Variants in PDZD2 observed in about 807,000 individuals in gnomAD.
The protein encoded by PDZD2 is PDZ domain containing 2.
Under a neutral mutation model 220.7 loss-of-function variants are expected in PDZD2, and 90 were observed. That is an observed-to-expected ratio of 0.41 (90% confidence interval 0.34 to 0.49). The LOEUF (loss-of-function observed/expected upper bound fraction) is 0.49. Among genes scored for constraint, PDZD2 ranks in the 20% least tolerant of loss-of-function variants. The probability of loss-of-function intolerance (pLI) is 0.28; values close to 1 mark genes in which losing one functional copy is unlikely to be tolerated. For missense variants in PDZD2, 3,174 were observed against 3,608.5 expected, an observed-to-expected ratio of 0.88 and a Z score of 3.08; for synonymous variants, 1,375 against 1,450.5, an observed-to-expected ratio of 0.95 and a Z score of 1.18.
intron 1 of PDZD2, among the ~76,000 whole-genome samples, chr5:31,778,529 C>T (rs1022465213): frequency 2.6e-5 from 4 of 151,668 alleles, no homozygotes; most frequent in Non-Finnish European, 4.4e-5. Flanking sequence ...CCAGATGTGC[C>T]GCCTTAAGAG....
At chr5:31,954,862 G>A (rs1167810162) in intron 2 of PDZD2, among the ~76,000 whole-genome samples, 1 of 152,092 alleles carries the variant, frequency 6.6e-6, no homozygotes, top group East Asian at 1.9e-4. Flanking sequence ...CTTGAAACCC[G>A]GGAGGCGAAG....
chr5:31,901,210 G>A (rs531819466), intron 2 of PDZD2, among the ~76,000 whole-genome samples: 1 of 152,274 alleles, frequency 6.6e-6, no homozygotes, highest in South Asian at 2.1e-4. Context: ...TTAAGGTCAG[G>A]AGTTTGAGAC....
At chr5:31,977,490 C>T (rs1156830713) in intron 2 of PDZD2, among the ~76,000 whole-genome samples, 4 of 152,180 alleles carry the variant, frequency 2.6e-5, no homozygotes, top group African/African-American at 9.6e-5. Context: ...ATTCCTCCAG[C>T]TGTTCTAAGC....
In PDZD2 at chr5:32,037,195, G is replaced by C. The variant is rs192035110; in HGVS notation, c.1408-36G>C. ...GACAGCATAAGTCATCGCAGGGCTG[G>C]GCTCTCCCATCAGCTCTGTGCTTTC... On this transcript the variant is annotated intron_variant, in intron 6 of 24. Coordinates refer to ENST00000438447, the MANE Select transcript of PDZD2 (RefSeq NM_178140.4). The C allele has an allele frequency of 4.4e-5, 59 of 1,331,486 alleles. No homozygotes were observed. In the East Asian group the frequency reaches 1.3e-3, roughly 28 times the overall value. The allele number at this position is 1,331,486 out of a possible 1,614,324, so 82.5% of individuals were successfully genotyped here. A position where few individuals can be genotyped will look rare whatever the true frequency, so the allele number is the denominator to read the frequency against.
chr5:31,799,552 G>T lies in PDZD2; in HGVS notation c.304G>T (p.Gly102Trp), dbSNP rs1296529554. ...CGGGGACTATGGTGAAAAGCGCAGGGGGGGCAAGAAGAGGAAAACCCACCA... is the reference window on the plus strand; with the variant it reads ...CGGGGACTATGGTGAAAAGCGCAGGTGGGGCAAGAAGAGGAAAACCCACCA... The part of the protein sequence containing the change: ...VFGDYGEKRR[G>W]GKKRKTHQGP... The change falls in exon 2 of 25, where the codon GGG becomes TGG. Residue 102 changes from glycine to tryptophan, a missense_variant. Gly to Trp is a radical substitution (Grantham distance 184). Transcript: ENST00000438447. The T allele has an allele frequency of 6.2e-7, 1 of 1,614,156 alleles. No individual in the cohort carries two copies. The highest frequency in any genetic ancestry group is 1.1e-5 in the South Asian group (1 of 91,086).
Position 31,951,128 on chromosome 5 carries a change from G to A in PDZD2, c.477-32027G>A, listed in dbSNP as rs139342174. Among the ~76,000 whole-genome samples the A allele has an allele frequency of 2.0e-3, 302 of 152,130 alleles. 2 individuals are homozygous for A. The highest frequency in any genetic ancestry group is 6.0e-3 in the African/African-American group (249 of 41,490). ...GTCTCCCAAACTGGAGAGCAGTGGC[G>A]CCATCACAGCTCACTGCAGTCTCAA... On this transcript the variant is annotated intron_variant, in intron 2 of 24. Transcript: ENST00000438447.
At chr5:31,931,332 A>G (rs1745277063) in intron 2 of PDZD2, among the ~76,000 whole-genome samples, 1 of 152,060 alleles carries the variant, frequency 6.6e-6, no homozygotes, top group African/African-American at 2.4e-5. Flanking sequence ...TAATTTTTGT[A>G]TTTTTAGTAG....
intron 2 of PDZD2, among the ~76,000 whole-genome samples, chr5:31,925,626 G>C (rs531225430): frequency 6.6e-6 from 1 of 152,164 alleles, no homozygotes; most frequent in African/African-American, 2.4e-5. Context: ...CCTAAGTAAA[G>C]AGCTTTTGCA....
chr5:31,889,189 G>C (rs758376191), intron 2 of PDZD2, among the ~76,000 whole-genome samples: 9 of 152,176 alleles, frequency 5.9e-5, no homozygotes, highest in Non-Finnish European at 1.0e-4. Flanking sequence ...GAAGTGTCAC[G>C]CTGAGGGATT....
chr5:31,924,374 T>C (rs1744555539), intron 2 of PDZD2, among the ~76,000 whole-genome samples: 1 of 152,206 alleles, frequency 6.6e-6, no homozygotes, highest in South Asian at 2.1e-4. Context: ...TAGCCCACTT[T>C]CCTTTTGTCC....
intron 2 of PDZD2, among the ~76,000 whole-genome samples, chr5:31,959,652 T>C (rs549939104): frequency 5.8e-4 from 88 of 152,242 alleles, no homozygotes; most frequent in African/African-American, 2.0e-3. Flanking sequence ...ACCTGGCCTG[T>C]TGTGAAAGTT....
At chr5:32,078,568 G>T (rs565237852) in intron 19 of PDZD2, among the ~76,000 whole-genome samples, 1 of 149,562 alleles carries the variant, frequency 6.7e-6, no homozygotes, top group Non-Finnish European at 1.5e-5. Flanking sequence ...GGAGGTGGAG[G>T]TTGCAGTGAG....
chr5:31,750,298 G>A (rs563105021), intron 1 of PDZD2, among the ~76,000 whole-genome samples: 1 of 152,262 alleles, frequency 6.6e-6, no homozygotes, highest in Non-Finnish European at 1.5e-5. Context: ...GCTCCCTCTT[G>A]CCTGCTTCAG....
intron 14 of PDZD2, among the ~76,000 whole-genome samples, chr5:32,064,017 C>T (rs539259845): frequency 6.6e-6 from 1 of 152,180 alleles, no homozygotes; most frequent in Non-Finnish European, 1.5e-5. Context: ...TTTTTCTCAG[C>T]ATCAGCGTCA....
intron 2 of PDZD2, among the ~76,000 whole-genome samples, chr5:31,835,353 C>T (rs1321763729): frequency 2.0e-5 from 3 of 152,190 alleles, no homozygotes; most frequent in Non-Finnish European, 1.5e-5. Flanking sequence ...GGAGCAGTGG[C>T]TCACACCTGT....
rs1311836955 is a variant in PDZD2 at position 31,866,514 on chromosome 5, C to CA, written c.476+66791dup. On this transcript the variant is annotated intron_variant, in intron 2 of 24. Coordinates refer to ENST00000438447, the MANE Select transcript of PDZD2 (RefSeq NM_178140.4). ...GCGTCTGGGAGGATTCGTGCCCTCA[C>CA]AGCTGCTTAGGAGCCTCCCCGACGA... 2.6e-5 allele frequency among the ~76,000 whole-genome samples: 4 copies of CA among 152,130 alleles called. No individual in the cohort carries two copies. The South Asian group carries it at 8.3e-4, about 32-fold the overall frequency.
At chr5:31,698,671 T>A (rs1747484257) in intron 1 of PDZD2, among the ~76,000 whole-genome samples, 1 of 152,174 alleles carries the variant, frequency 6.6e-6, no homozygotes, top group Admixed American at 6.5e-5. Context: ...CTAAATGTTT[T>A]ACATACATCA....
chr5:32,035,317 G>A (rs916049146), intron 6 of PDZD2, among the ~76,000 whole-genome samples: 3 of 151,890 alleles, frequency 2.0e-5, no homozygotes, highest in African/African-American at 7.3e-5. Flanking sequence ...ATGGAGTGCA[G>A]TGGCGTGATC....
intron 2 of PDZD2, among the ~76,000 whole-genome samples, chr5:31,886,708 T>TC (rs1215651082): frequency 1.6e-5 from 2 of 124,678 alleles, no homozygotes; most frequent in Non-Finnish European, 1.7e-5. Context: ...GTCTCTTTTT[T>TC]TTTTTTTGAG....
Sources: gnomAD v4.1 joint callset for allele counts (sites outside exome capture counted in the v4.1 genomes callset) on GRCh38, gnomAD v4.1.1 for gene constraint, MANE v1.5 for transcripts, NCBI Gene and HGNC (gene_info 2026-07-23, HGNC 2026-07-21) for gene names.